The following LAMA3 variants were observed in gnomAD, a reference collection of about 807,000 sequenced individuals.
LAMA3 encodes laminin subunit alpha-3.
A neutral mutation model predicts 402.0 loss-of-function variants in LAMA3; 281 were observed. The ratio of observed to expected loss-of-function variants is 0.70; its 90% CI spans 0.63 to 0.77. The LOEUF (loss-of-function observed/expected upper bound fraction) is 0.77. Among genes scored for constraint, LAMA3 ranks in the 30% least tolerant of loss-of-function variants. The pLI is 0.00. For missense variants in LAMA3, 3,840 were observed against 4,215.5 expected (o/e 0.91, Z 2.47); for synonymous variants, 1,431 against 1,558.4 (o/e 0.92, Z 1.93).
chr18:23,942,980 G>A (rs2082577419), intron 68 of LAMA3, among the ~76,000 whole-genome samples: 1 of 152,194 alleles, frequency 6.6e-6, no homozygotes, highest in Admixed American at 6.5e-5. Context: ...GTAGAGATGG[G>A]TGGGAGAAGG....
intron 2 of LAMA3, among the ~76,000 whole-genome samples, chr18:23,725,170 C>T (rs2061277023): frequency 2.0e-5 from 3 of 151,542 alleles, no homozygotes; most frequent in Admixed American, 2.0e-4. Flanking sequence ...AGTGCAGTGG[C>T]ACGATCTCGG....
At chr18:23,850,160 TCA>T (rs1360374028) in intron 32 of LAMA3, among the ~76,000 whole-genome samples, 2 of 152,256 alleles carry the variant, frequency 1.3e-5, no homozygotes, top group Non-Finnish European at 2.9e-5. Flanking sequence ...ACACATTCTT[TCA>T]CAGTCTTGTC....
chr18:23,896,507 T>A lies in LAMA3; in HGVS notation c.5613+1449T>A, dbSNP rs572338817. 6.6e-5 allele frequency among the ~76,000 whole-genome samples: 10 copies of A among 152,342 alleles called. No individual in the cohort carries two copies. In the South Asian group the frequency reaches 1.9e-3, roughly 28 times the overall value. On this transcript the variant is annotated intron_variant, in intron 44 of 74. Transcript: ENST00000313654. ...GTCCTTTTAAATGTGTTGAGGTTTG[T>A]TTCATTGCTCAGAATGTGGTCCATT...
At chr18:23,876,476 C>T in intron 39 of LAMA3, 69 bp downstream of exon 39, 1 of 1,009,306 alleles carries the variant, frequency 9.9e-7, no homozygotes, top group Non-Finnish European at 1.6e-6. Flanking sequence ...TGTACTATGC[C>T]CAAAGACATC....
At chr18:23,746,803 G>C (rs76756002) in intron 2 of LAMA3, among the ~76,000 whole-genome samples, 190 of 151,594 alleles carry the variant, frequency 1.3e-3, no homozygotes, top group African/African-American at 4.5e-3. Context: ...AGACCAAAAA[G>C]TTTGAGTCTC....
Position 23,696,523 on chromosome 18 carries a change from C to T in LAMA3, c.294+6546C>T, listed in dbSNP as rs115983649. On this transcript the variant is annotated intron_variant, in intron 1 of 74. Transcript: ENST00000313654. ...TGAAATCCCCCTGTTTTTTTTGAGA[C>T]GGAGTTTTGCTCTGTGGCCCAGGTT... Among the ~76,000 whole-genome samples the T allele has an allele frequency of 4.9e-3, 740 of 151,572 alleles. 6 individuals carry two copies. Among genetic ancestry groups the T allele is most frequent in the African/African-American group, 0.017 (706 of 41,414 alleles).
At chr18:23,770,199 TCAA>T (rs2062164808) in intron 8 of LAMA3, among the ~76,000 whole-genome samples, 1 of 150,012 alleles carries the variant, frequency 6.7e-6, no homozygotes, top group Admixed American at 6.6e-5. Context: ...GACAAAAACA[TCAA>T]CAATAACCAT....
At chr18:23,759,693 AC>A (rs1466322383) in intron 7 of LAMA3, among the ~76,000 whole-genome samples, 1 of 152,136 alleles carries the variant, frequency 6.6e-6, no homozygotes, top group Non-Finnish European at 1.5e-5. Context: ...AGGACTTTAT[AC>A]TTTTTGACCA....
At chr18:23,872,809 G>A in intron 38 of LAMA3, 1 of 549,056 alleles carries the variant, frequency 1.8e-6, no homozygotes. Flanking sequence ...GGTGAGGTGG[G>A]TGGAAGGTGA....
intron 8 of LAMA3, among the ~76,000 whole-genome samples, chr18:23,769,919 A>G (rs2062158832): frequency 6.6e-6 from 1 of 152,282 alleles, no homozygotes; most frequent in East Asian, 1.9e-4. Flanking sequence ...GGGAAAAAAT[A>G]TACTATGTAA....
At chr18:23,847,727 C>T (rs2063851166) in intron 32 of LAMA3, 59 bp downstream of exon 32, 3 of 1,518,546 alleles carry the variant, frequency 2.0e-6, no homozygotes, top group East Asian at 4.7e-5. Flanking sequence ...GCCATCTGCC[C>T]ACACACTGGT....
intron 29 of LAMA3, among the ~76,000 whole-genome samples, chr18:23,843,607 A>C (rs1598903545): frequency 2.0e-5 from 3 of 150,994 alleles, no homozygotes; most frequent in African/African-American, 4.9e-5. Flanking sequence ...CCTCCTCCGC[A>C]CTCCTGGCCA....
intron 6 of LAMA3, among the ~76,000 whole-genome samples, chr18:23,756,456 C>T (rs934592191): frequency 3.3e-5 from 5 of 150,748 alleles, no homozygotes; most frequent in Non-Finnish European, 5.9e-5. Context: ...CCGCCCCCAC[C>T]CCCCCGCCAA....
intron 71 of LAMA3, 22 bp from the exon 72 acceptor site, chr18:23,950,007 T>A: frequency 1.2e-6 from 2 of 1,614,212 alleles, no homozygotes; most frequent in Non-Finnish European, 1.7e-6. Context: ...CTTTAACTTT[T>A]GCTTTGTTTC....
At chr18:23,874,597 A>C (rs1033401900) in intron 38 of LAMA3, among the ~76,000 whole-genome samples, 6 of 152,234 alleles carry the variant, frequency 3.9e-5, no homozygotes, top group Non-Finnish European at 5.9e-5. Context: ...CTCCCGGAGC[A>C]CATGAGGCTT....
intron 2 of LAMA3, among the ~76,000 whole-genome samples, chr18:23,745,750 C>A (rs2061642473): frequency 6.6e-6 from 1 of 152,170 alleles, no homozygotes; most frequent in Admixed American, 6.5e-5. Context: ...AGACAGTATT[C>A]ATTATTCATT....
intron 21 of LAMA3, 71 bp downstream of exon 21, chr18:23,824,636 T>C: frequency 6.7e-7 from 1 of 1,503,532 alleles, no homozygotes; most frequent in Non-Finnish European, 9.3e-7. Flanking sequence ...CATCCAAGAC[T>C]ACAATCCACA....
intron 13 of LAMA3, 121 bp from the exon 14 acceptor site, chr18:23,812,936 C>A: frequency 1.4e-6 from 1 of 714,360 alleles, no homozygotes; most frequent in Non-Finnish European, 2.5e-6. Flanking sequence ...TGCCACACAT[C>A]TATCGAAAAT....
At chr18:23,861,546 A>C in intron 34 of LAMA3, 100 bp from the exon 35 acceptor site, 1 of 1,353,486 alleles carries the variant, frequency 7.4e-7, no homozygotes, top group East Asian at 2.3e-5. Flanking sequence ...TGAGGCAAGG[A>C]GGCTGCCCGT....
Sources: allele counts gnomAD v4.1 joint callset (sites outside exome capture counted in the v4.1 genomes callset), GRCh38; gene constraint gnomAD v4.1.1; transcripts MANE v1.5; gene names NCBI Gene and HGNC (gene_info 2026-07-23, HGNC 2026-07-21).